Variants in TEK observed in about 807,000 individuals in gnomAD.
TEK encodes TEK receptor tyrosine kinase, also known as angiopoietin-1 receptor.
A neutral mutation model predicts 131.8 loss-of-function variants in TEK; 43 were observed. That is an observed-to-expected ratio of 0.33 (90% CI 0.26 to 0.42). The LOEUF is 0.42. Ranked by LOEUF, TEK falls within the 10% of genes least tolerant of loss-of-function variation. The pLI, the probability that TEK is intolerant of heterozygous loss-of-function variation, is 1.00. For missense variants in TEK, 1,162 were observed against 1,384.4 expected, an observed-to-expected ratio of 0.84 and a Z score of 2.55; for synonymous variants, 580 against 491.6, an observed-to-expected ratio of 1.18 and a Z score of -2.38.
intron 1 of TEK, among the ~76,000 whole-genome samples, chr9:27,120,460 C>T (rs555414511): frequency 7.2e-5 from 11 of 152,354 alleles, no homozygotes; most frequent in African/African-American, 2.6e-4. Context: ...GCCTGAAGGC[C>T]AAGGCATATG....
chr9:27,111,943 G>A (rs1409130776), intron 1 of TEK, among the ~76,000 whole-genome samples: 1 of 143,280 alleles, frequency 7.0e-6, no homozygotes, highest in Admixed American at 7.4e-5. Flanking sequence ...CTGTCACCCA[G>A]ACTAGAATGT....
chr9:27,138,177 C>A (rs747609207), intron 1 of TEK, among the ~76,000 whole-genome samples: 1 of 152,218 alleles, frequency 6.6e-6, no homozygotes, highest in Non-Finnish European at 1.5e-5. Context: ...TGAGCAGCAG[C>A]AAGATTTATT....
chr9:27,215,941 T>C (rs1353220304), intron 18 of TEK, among the ~76,000 whole-genome samples: 1 of 152,058 alleles, frequency 6.6e-6, no homozygotes, highest in Non-Finnish European at 1.5e-5. Flanking sequence ...GCAGTGAGGA[T>C]GTGAGAATAA....
intron 1 of TEK, among the ~76,000 whole-genome samples, chr9:27,114,300 C>T (rs1048045837): frequency 2.6e-5 from 4 of 152,136 alleles, no homozygotes; most frequent in African/African-American, 2.4e-5. Flanking sequence ...GGGCCAGGCA[C>T]GTTGGCTGAT....
chr9:27,218,830 G>GTTTATCTACCAGGTGAGACTC lies in TEK; in HGVS notation c.3103+15_3103+35dup. On this transcript the variant is annotated intron_variant, in intron 20 of 22. Transcript: ENST00000380036. ...ATTGTTAGCTTAGGTGAGTATCTAT[G>GTTTATCTACCAGGTGAGACTC]TTTATCTACCAGGTGAGACTCTAGG... The GTTTATCTACCAGGTGAGACTC allele has an allele frequency of 1.2e-6, 2 of 1,613,676 alleles. No individual in the cohort carries two copies. The highest frequency in any genetic ancestry group is 2.2e-5 in the South Asian group (2 of 91,070).
At chr9:27,203,231 G>C (rs976678696) in intron 13 of TEK, 112 bp downstream of exon 13, 7 of 1,190,288 alleles carry the variant, frequency 5.9e-6, no homozygotes, top group South Asian at 2.6e-5. Flanking sequence ...GTGGTTGAAT[G>C]GACAGGCATT....
Position 27,192,546 on chromosome 9 carries a change from G to C in TEK, c.1547G>C (p.Cys516Ser). The change falls in exon 11 of 23, where the codon TGT becomes TCT. Residue 516 changes from cysteine (C) to serine (S), a missense_variant. Physicochemically the swap from Cys to Ser is moderately radical, Grantham distance 112. Coordinates refer to ENST00000380036, the MANE Select transcript of TEK (RefSeq NM_000459.5). ...YLEPRTEYELCVQLVRRGEGG... is the reference protein window; with the variant it reads ...YLEPRTEYELSVQLVRRGEGG... ...GAACCTCGGACAGAATATGAACTCT[G>C]TGTGCAACTGGTCCGTCGTGGAGAG... 2 of 1,614,014 alleles carry C rather than the reference G, an allele frequency of 1.2e-6. No homozygotes were observed. Among genetic ancestry groups the C allele is most frequent in the Non-Finnish European group, 8.5e-7 (1 of 1,179,940 alleles).
chr9:27,130,212 C>G (rs1822158553), intron 1 of TEK, among the ~76,000 whole-genome samples: 1 of 151,980 alleles, frequency 6.6e-6, no homozygotes, highest in African/African-American at 2.4e-5. Context: ...ATGCACAGAT[C>G]AACAGATGAA....
chr9:27,137,269 C>T (rs1822496425), intron 1 of TEK, among the ~76,000 whole-genome samples: 2 of 152,172 alleles, frequency 1.3e-5, no homozygotes, highest in South Asian at 4.1e-4. Context: ...GTACCCTATG[C>T]ATTTCACATT....
chr9:27,190,482 A>G (rs369713788), intron 9 of TEK, 47 bp from the exon 10 acceptor site: 3 of 1,612,354 alleles, frequency 1.9e-6, no homozygotes, highest in Non-Finnish European at 8.5e-7. Flanking sequence ...AACAATCACA[A>G]AACCTCAAAG....
chr9:27,154,042 A>G (rs913649637), intron 1 of TEK, among the ~76,000 whole-genome samples: 1 of 152,210 alleles, frequency 6.6e-6, no homozygotes, highest in African/African-American at 2.4e-5. Flanking sequence ...TTTGGATGTA[A>G]TTTGAAATTT....
chr9:27,221,270 G>A (rs1826066046), intron 21 of TEK, among the ~76,000 whole-genome samples: 1 of 152,222 alleles, frequency 6.6e-6, no homozygotes, highest in South Asian at 2.1e-4. Context: ...AACAGCCACA[G>A]CCAGGGGCTT....
intron 7 of TEK, among the ~76,000 whole-genome samples, chr9:27,182,242 T>A (rs972191798): frequency 2.0e-5 from 3 of 152,168 alleles, no homozygotes; most frequent in African/African-American, 7.2e-5. Context: ...ACTAGGGCTT[T>A]CAGAGAGTAG....
chr9:27,141,445 T>A (rs1822720320), intron 1 of TEK, among the ~76,000 whole-genome samples: 1 of 152,222 alleles, frequency 6.6e-6, no homozygotes, highest in Non-Finnish European at 1.5e-5. Context: ...ACTGTAACTT[T>A]CTCTCATCCT....
At chr9:27,112,497 G>C (rs1387375194) in intron 1 of TEK, among the ~76,000 whole-genome samples, 1 of 152,178 alleles carries the variant, frequency 6.6e-6, no homozygotes, top group East Asian at 1.9e-4. Context: ...TTTCAGCCCT[G>C]CCCTGGGAGA....
intron 4 of TEK, among the ~76,000 whole-genome samples, chr9:27,171,218 T>C (rs1213192597): frequency 6.6e-6 from 1 of 152,250 alleles, no homozygotes; most frequent in Non-Finnish European, 1.5e-5. Flanking sequence ...GAAAATGATT[T>C]GCCCTGAATT....
intron 12 of TEK, among the ~76,000 whole-genome samples, chr9:27,201,410 G>T (rs1413831): frequency 0.026 from 3,928 of 152,224 alleles, 133 homozygotes; most frequent in African/African-American, 0.088. Context: ...TATTAACTAT[G>T]TGATCATAGT....
intron 1 of TEK, among the ~76,000 whole-genome samples, chr9:27,117,713 G>T (rs1017909766): frequency 1.3e-5 from 2 of 152,222 alleles, no homozygotes; most frequent in Non-Finnish European, 2.9e-5. Context: ...ACTAGCCAAA[G>T]AAGCCAGTCA....
At position 27,189,083 on chromosome 9, in the gene TEK, C is replaced by T. The variant is rs184473604; in HGVS notation, c.1328-1446C>T. Among the ~76,000 whole-genome samples the T allele has an allele frequency of 4.6e-5, 7 of 152,216 alleles. No homozygotes were observed. The East Asian group carries it at 1.4e-3, about 29-fold the overall frequency. Reference sequence around the variant, plus strand: ...TGAACATTGCAATGTCCTCTGAAATCTGAAAGGTTCTGCATTGTATAATAC... The same window carrying T: ...TGAACATTGCAATGTCCTCTGAAATTTGAAAGGTTCTGCATTGTATAATAC... On this transcript the variant is annotated intron_variant, in intron 9 of 22. Coordinates refer to ENST00000380036, the MANE Select transcript of TEK (RefSeq NM_000459.5).
Sources: gnomAD v4.1 joint callset for allele counts (sites outside exome capture counted in the v4.1 genomes callset) on GRCh38, gnomAD v4.1.1 for gene constraint, MANE v1.5 for transcripts, NCBI Gene and HGNC (gene_info 2026-07-23, HGNC 2026-07-21) for gene names.